The following ORC3 variants were observed in gnomAD, a reference collection of about 807,000 sequenced individuals.
ORC3 encodes homolog of latheo, Drosophila.
In ORC3, 78 loss-of-function variants were observed where a neutral mutation model predicts 100.7. That is an observed-to-expected ratio of 0.77 (90% confidence interval 0.65 to 0.94). The LOEUF is 0.94. Among genes scored for constraint, ORC3 ranks in the 40% least tolerant of loss-of-function variants. ORC3 has a pLI of 0.00. For synonymous variants in ORC3, 295 were observed against 289.3 expected (o/e 1.02, Z -0.20); for missense variants, 789 against 823.9 (o/e 0.96, Z 0.52).
intron 19 of ORC3, 50 bp from the exon 20 acceptor site, chr6:87,666,968 C>G: frequency 1.8e-6 from 2 of 1,134,574 alleles, no homozygotes; most frequent in Non-Finnish European, 2.6e-6. Context: ...ATTTTAATCC[C>G]TTTTTGTCAA....
chr6:87,590,224 A>T (rs774400857), intron 1 of ORC3, 32 bp downstream of exon 1: 15 of 1,609,378 alleles, frequency 9.3e-6, no homozygotes, highest in Non-Finnish European at 1.3e-5. Flanking sequence ...CTGTGGCTCT[A>T]CCGCTGCCTC....
chr6:87,676,880 T>C, the ORC3 span, among the ~76,000 whole-genome samples: 2 of 151,306 alleles, frequency 1.3e-5, no homozygotes, highest in Non-Finnish European at 2.9e-5. Flanking sequence ...ATCGAGACCA[T>C]CCTGGCTAAC....
At position 87,650,776 on chromosome 6, in the gene ORC3, G is replaced by T. The variant is rs7767740; in HGVS notation, c.1383-2340G>T. On this transcript the variant is annotated intron_variant, in intron 13 of 19. Coordinates refer to ENST00000392844, the MANE Select transcript of ORC3 (RefSeq NM_012381.4). ...TAATCCCAGCACTTTGGGAAGCCGAGGTGGGCGGATCACCTGAGGTCAGGA... is the reference window on the plus strand; with the variant it reads ...TAATCCCAGCACTTTGGGAAGCCGATGTGGGCGGATCACCTGAGGTCAGGA... Among the ~76,000 whole-genome samples, 1,384 of 152,352 alleles carry T rather than the reference G, an allele frequency of 9.1e-3. 21 individuals carry two copies. Among genetic ancestry groups the T allele is most frequent in the African/African-American group, 0.031 (1,289 of 41,578 alleles).
rs1362446565 is a variant in ORC3 at position 87,665,748 on chromosome 6, C to T, written c.1951-6C>T. On this transcript the variant is annotated splice_region_variant and splice_polypyrimidine_tract_variant and intron_variant, in intron 18 of 19. Transcript: ENST00000392844. ...TTTATTTTCTTCTGTCTTGTCTATT[C>T]AAAAGGCTTTTGCAACAGTTGTGAC... 6.3e-7 allele frequency: 1 copy of T among 1,597,570 alleles called. No homozygotes were observed. Among genetic ancestry groups the T allele is most frequent in the Non-Finnish European group, 8.6e-7 (1 of 1,165,818 alleles).
intron 15 of ORC3, 140 bp from the exon 16 acceptor site, chr6:87,657,781 A>G: frequency 4.0e-6 from 2 of 499,608 alleles, no homozygotes; most frequent in Non-Finnish European, 7.2e-6. Flanking sequence ...AGAATAAACA[A>G]AACCCATTTT....
At chr6:87,651,450 A>C in intron 13 of ORC3, 1 of 340,214 alleles carries the variant, frequency 2.9e-6, no homozygotes, top group Non-Finnish European at 5.9e-6. Flanking sequence ...TCTTCTCATA[A>C]CTCTATCTGG....
intron 13 of ORC3, among the ~76,000 whole-genome samples, chr6:87,646,350 T>G (rs746995890): frequency 2.2e-4 from 34 of 152,348 alleles, no homozygotes; most frequent in Middle Eastern, 6.8e-3. Context: ...GTGGCATTAA[T>G]GTGACCTATC....
intron 13 of ORC3, among the ~76,000 whole-genome samples, chr6:87,646,367 A>T (rs1477618058): frequency 6.6e-6 from 1 of 151,850 alleles, no homozygotes; most frequent in Admixed American, 6.6e-5. Flanking sequence ...TATCTTAGAC[A>T]TTTTTTTTAT....
At chr6:87,657,028 T>A in intron 15 of ORC3, 46 bp downstream of exon 15, 1 of 1,232,784 alleles carries the variant, frequency 8.1e-7, no homozygotes. Context: ...TGACACTCCC[T>A]TTTTTCAGTT....
At chr6:87,650,061 CTTTTTT>C (rs565491984) in intron 13 of ORC3, among the ~76,000 whole-genome samples, 5 of 122,666 alleles carry the variant, frequency 4.1e-5, no homozygotes, top group Non-Finnish European at 6.8e-5. Flanking sequence ...TTTACACTCT[CTTTTTT>C]TTTTTTTTTT....
At chr6:87,677,034 G>A in the ORC3 span, among the ~76,000 whole-genome samples, 4 of 149,998 alleles carry the variant, frequency 2.7e-5, no homozygotes, top group South Asian at 2.1e-4. Flanking sequence ...CCAAGACTGC[G>A]CCACTGCACT....
At chr6:87,633,342 C>G (rs1394752031) in intron 11 of ORC3, among the ~76,000 whole-genome samples, 2 of 152,052 alleles carry the variant, frequency 1.3e-5, no homozygotes, top group East Asian at 3.8e-4. Flanking sequence ...TAAAGTATAC[C>G]CTCCCAATGG....
At position 87,621,989 on chromosome 6, in the gene ORC3, C is replaced by T. The variant is rs1187333410; in HGVS notation, c.1161C>T (p.Leu387=). 6.2e-7 allele frequency: 1 copy of T among 1,608,474 alleles called. No homozygotes were observed. Among genetic ancestry groups the T allele is most frequent in the African/African-American group, 1.3e-5 (1 of 74,748 alleles). The part of the protein sequence containing the change: ...EKQASEKQVA[L]LTNERYLKEE... Reference sequence around the variant, plus strand: ...AAGCTTCAGAAAAGCAAGTTGCGCTCTTGACCAATGAGAGATATTTGAAGG... The same window carrying T: ...AAGCTTCAGAAAAGCAAGTTGCGCTTTTGACCAATGAGAGATATTTGAAGG... Residue 387 remains leucine (L), a synonymous_variant, in exon 11 of 20, where the codon CTC becomes CTT. Coordinates refer to ENST00000392844, the MANE Select transcript of ORC3 (RefSeq NM_012381.4).
the ORC3 span, among the ~76,000 whole-genome samples, chr6:87,677,220 TAA>T: frequency 6.6e-6 from 1 of 152,142 alleles, no homozygotes; most frequent in Non-Finnish European, 1.5e-5. Context: ...AAACACTACC[TAA>T]AACCTGATCA....
chr6:87,641,401 T>C (rs993752078), intron 13 of ORC3, among the ~76,000 whole-genome samples: 2 of 152,200 alleles, frequency 1.3e-5, no homozygotes, highest in Non-Finnish European at 2.9e-5. Context: ...GAGGTGGTAA[T>C]AAAAGGAAAT....
chr6:87,665,946 A>G, intron 19 of ORC3, 113 bp downstream of exon 19: 1 of 594,044 alleles, frequency 1.7e-6, no homozygotes, highest in Non-Finnish European at 3.0e-6. Flanking sequence ...CAACCGTATT[A>G]CTTGTTAATA....
chr6:87,664,671 C>A (rs1156523155), intron 17 of ORC3, 72 bp from the exon 18 acceptor site: 2 of 1,207,138 alleles, frequency 1.7e-6, no homozygotes, highest in Non-Finnish European at 2.4e-6. Flanking sequence ...AGGTTGGGGG[C>A]TTCATTAATG....
Position 87,594,154 on chromosome 6 carries a change from A to G in ORC3, c.25-199A>G, listed in dbSNP as rs1031195684. ...TCATGGGAGGGAGGGGAGAGAGTAG[A>G]TAGTCCCCCTTGTTGTTTTAGAATT... On this transcript the variant is annotated intron_variant, in intron 1 of 19. Coordinates refer to ENST00000392844, the MANE Select transcript of ORC3 (RefSeq NM_012381.4). Among the ~76,000 whole-genome samples the G allele has an allele frequency of 6.6e-5, 10 of 152,226 alleles. 1 individual carries two copies. The highest frequency in any genetic ancestry group is 2.4e-4 in the African/African-American group (10 of 41,464).
intron 19 of ORC3, 56 bp downstream of exon 19, chr6:87,665,889 T>A: frequency 9.2e-7 from 1 of 1,084,880 alleles, no homozygotes; most frequent in Non-Finnish European, 1.4e-6. Context: ...TATAAGTTTA[T>A]AATTTCTCCA....
Sources: allele counts gnomAD v4.1 joint callset (sites outside exome capture counted in the v4.1 genomes callset), GRCh38; gene constraint gnomAD v4.1.1; transcripts MANE v1.5; gene names NCBI Gene and HGNC (gene_info 2026-07-23, HGNC 2026-07-21).